The following NRXN3 variants were observed in gnomAD, a reference collection of about 807,000 sequenced individuals.
The protein encoded by NRXN3 is neurexin III.
Under a neutral mutation model 137.6 loss-of-function variants are expected in NRXN3, and 32 were observed. The ratio of observed to expected loss-of-function variants is 0.23; its 90% CI spans 0.18 to 0.31. The LOEUF (loss-of-function observed/expected upper bound fraction) is 0.31. NRXN3 is among the 10% of genes least tolerant of loss of function. The probability of loss-of-function intolerance (pLI) is 1.00; values close to 1 mark genes in which losing one functional copy is unlikely to be tolerated. For missense variants in NRXN3, 1,574 were observed against 2,062.5 expected (o/e 0.76, Z 4.59); for synonymous variants, 798 against 784.5 (o/e 1.02, Z -0.29).
chr14:78,514,123 G>A (rs1459485823), intron 4 of NRXN3, among the ~76,000 whole-genome samples: 1 of 152,118 alleles, frequency 6.6e-6, no homozygotes, highest in Non-Finnish European at 1.5e-5. Context: ...GGAACCCAAA[G>A]TGACTTTCAT....
intron 19 of NRXN3, among the ~76,000 whole-genome samples, chr14:79,773,475 G>GT (rs894615452): frequency 4.6e-4 from 70 of 152,184 alleles, no homozygotes; most frequent in African/African-American, 1.6e-3. Flanking sequence ...CATGTCCTTT[G>GT]TAGGCACATG....
At chr14:78,943,238 A>G (rs2099356563) in intron 10 of NRXN3, among the ~76,000 whole-genome samples, 1 of 152,134 alleles carries the variant, frequency 6.6e-6, no homozygotes, top group African/African-American at 2.4e-5. Flanking sequence ...CAGCCATGTC[A>G]CTGAAGATGG....
chr14:79,482,383 T>C (rs1032437951), intron 16 of NRXN3, among the ~76,000 whole-genome samples: 1 of 152,166 alleles, frequency 6.6e-6, no homozygotes, highest in Non-Finnish European at 1.5e-5. Flanking sequence ...ATACTCAGTC[T>C]ATCATTAACC....
intron 20 of NRXN3, among the ~76,000 whole-genome samples, chr14:79,858,178 A>C (rs1010395226): frequency 2.0e-5 from 3 of 148,956 alleles, no homozygotes; most frequent in African/African-American, 5.0e-5. Context: ...AGATACTTGC[A>C]TTAGTGTGTT....
chr14:79,041,591 A>C (rs1055421975), intron 15 of NRXN3, among the ~76,000 whole-genome samples: 2 of 152,196 alleles, frequency 1.3e-5, no homozygotes, highest in African/African-American at 4.8e-5. Context: ...CTTGTGCTTA[A>C]AATTATTATT....
chr14:79,462,306 G>A (rs2096355707), intron 15 of NRXN3, among the ~76,000 whole-genome samples: 2 of 152,168 alleles, frequency 1.3e-5, no homozygotes, highest in Middle Eastern at 3.4e-3. Flanking sequence ...CCAGGAGGCA[G>A]AGTTTACAGT....
intron 10 of NRXN3, among the ~76,000 whole-genome samples, chr14:78,882,927 A>G (rs747575394): frequency 5.9e-5 from 9 of 151,810 alleles, no homozygotes; most frequent in Non-Finnish European, 1.0e-4. Context: ...AGTGGGAGGT[A>G]CTTGAATCAT....
chr14:78,846,077 A>AGAAC (rs1213420733), intron 10 of NRXN3, among the ~76,000 whole-genome samples: 2 of 152,094 alleles, frequency 1.3e-5, no homozygotes, highest in Non-Finnish European at 2.9e-5. Flanking sequence ...AATGACTTCA[A>AGAAC]GAACATCTGC....
chr14:78,696,978 C>T (rs903251730), intron 6 of NRXN3, among the ~76,000 whole-genome samples: 5 of 152,052 alleles, frequency 3.3e-5, no homozygotes, highest in African/African-American at 9.7e-5. Flanking sequence ...TCATGGGAGC[C>T]ACTGTTCCCA....
intron 8 of NRXN3, among the ~76,000 whole-genome samples, chr14:78,766,308 T>A (rs1317139939): frequency 6.6e-6 from 1 of 152,206 alleles, no homozygotes; most frequent in Non-Finnish European, 1.5e-5. Flanking sequence ...TTCTCTGGCT[T>A]ATGCTTCTAT....
At chr14:78,878,897 C>T (rs10130352) in intron 10 of NRXN3, among the ~76,000 whole-genome samples, 3,420 of 152,198 alleles carry the variant, frequency 0.022, 128 homozygotes, top group African/African-American at 0.077. Flanking sequence ...ATTCTACTCT[C>T]TCCTGCTATG....
At chr14:78,769,918 G>A (rs1285936614) in intron 8 of NRXN3, among the ~76,000 whole-genome samples, 1 of 151,632 alleles carries the variant, frequency 6.6e-6, no homozygotes, top group South Asian at 2.1e-4. Context: ...ATGCCAGGGT[G>A]TGGAAACACA....
chr14:78,274,820 A>G (rs529763501), intron 2 of NRXN3, among the ~76,000 whole-genome samples: 1 of 152,206 alleles, frequency 6.6e-6, no homozygotes, highest in Admixed American at 6.5e-5. Flanking sequence ...GAGCATGGAG[A>G]TCCTAAGGGA....
chr14:78,390,816 A>G (rs146819976), intron 4 of NRXN3, among the ~76,000 whole-genome samples: 2 of 152,324 alleles, frequency 1.3e-5, no homozygotes, highest in African/African-American at 4.8e-5. Flanking sequence ...ATACATGTGC[A>G]GGATGTGCAG....
intron 4 of NRXN3, among the ~76,000 whole-genome samples, chr14:78,571,260 A>C (rs1281036604): frequency 6.6e-6 from 1 of 152,214 alleles, no homozygotes; most frequent in Non-Finnish European, 1.5e-5. Flanking sequence ...TTGGAGGATG[A>C]GTGACTCAAG....
At chr14:78,520,493 C>CA (rs774524734) in intron 4 of NRXN3, among the ~76,000 whole-genome samples, 4 of 152,072 alleles carry the variant, frequency 2.6e-5, no homozygotes, top group African/African-American at 7.2e-5. Flanking sequence ...AAGATAGACT[C>CA]AAACAATGGG....
In NRXN3 at chr14:79,367,129, G is replaced by A. The variant is rs561108995; in HGVS notation, c.3263-100092G>A. 1.5e-4 allele frequency among the ~76,000 whole-genome samples: 23 copies of A among 151,946 alleles called. 1 individual carries two copies. The highest frequency in any genetic ancestry group is 4.3e-4 in the African/African-American group (18 of 41,464). ...CTCCCAAGTAGCTGGGACTACAGGC[G>A]TCCACCACCACGCCTAGCTTATTTT... On this transcript the variant is annotated intron_variant, in intron 15 of 20. Coordinates refer to ENST00000335750, the MANE Select transcript of NRXN3 (RefSeq NM_001330195.2).
chr14:78,979,877 A>G (rs1035332823), intron 14 of NRXN3, among the ~76,000 whole-genome samples: 3 of 152,116 alleles, frequency 2.0e-5, no homozygotes, highest in African/African-American at 7.2e-5. Flanking sequence ...TGAGAACAGC[A>G]TGGGAAAGAC....
At chr14:78,353,170 T>C (rs2083791582) in intron 4 of NRXN3, among the ~76,000 whole-genome samples, 1 of 152,200 alleles carries the variant, frequency 6.6e-6, no homozygotes, top group Non-Finnish European at 1.5e-5. Flanking sequence ...GTGCAAGTTA[T>C]AATGCTAAGG....
Sources: gnomAD v4.1 joint callset for allele counts (sites outside exome capture counted in the v4.1 genomes callset) on GRCh38, gnomAD v4.1.1 for gene constraint, MANE v1.5 for transcripts, NCBI Gene and HGNC (gene_info 2026-07-23, HGNC 2026-07-21) for gene names.